FNDC3A: variants seen among roughly 807,000 people sequenced by gnomAD.
The protein encoded by FNDC3A is fibronectin type-III domain-containing protein 3A.
A neutral mutation model predicts 148.9 loss-of-function variants in FNDC3A; 32 were observed. The observed-to-expected ratio is 0.21, with a 90% CI of 0.16 to 0.29. The LOEUF is 0.29. Ranked by LOEUF, FNDC3A falls within the 10% of genes least tolerant of loss-of-function variation. The pLI is 1.00. For missense variants in FNDC3A, 1,191 were observed against 1,452.8 expected (o/e 0.82, Z 2.93); for synonymous variants, 472 against 473.6 (o/e 1.00, Z 0.04).
At chr13:49,178,727 T>G (rs1885157100) in intron 14 of FNDC3A, 73 bp downstream of exon 14, 1 of 857,196 alleles carries the variant, frequency 1.2e-6, no homozygotes, top group Admixed American at 2.9e-5. Flanking sequence ...TTCTTTGTTT[T>G]CTGTTTGTTT....
intron 4 of FNDC3A, among the ~76,000 whole-genome samples, chr13:49,123,171 C>T (rs1418852492): frequency 6.6e-6 from 1 of 152,098 alleles, no homozygotes; most frequent in African/African-American, 2.4e-5. Flanking sequence ...TGGAACAGAA[C>T]AGAGGCCTCA....
At chr13:49,190,269 A>G (rs1885817667) in intron 17 of FNDC3A, among the ~76,000 whole-genome samples, 1 of 152,232 alleles carries the variant, frequency 6.6e-6, no homozygotes, top group African/African-American at 2.4e-5. Context: ...TAAAAGCAGT[A>G]TCAAATACCT....
intron 2 of FNDC3A, among the ~76,000 whole-genome samples, chr13:49,045,208 T>C (rs1449541937): frequency 6.6e-6 from 1 of 151,908 alleles, no homozygotes; most frequent in Non-Finnish European, 1.5e-5. Flanking sequence ...TGCTCGAGTG[T>C]AGTGGTACCA....
chr13:49,175,333 T>G (rs777760919), intron 12 of FNDC3A, 34 bp from the exon 13 acceptor site: 1 of 1,480,114 alleles, frequency 6.8e-7, no homozygotes, highest in Non-Finnish European at 9.0e-7. Context: ...AAAAATAACT[T>G]TTTCATGCCT....
At chr13:49,082,364 T>C (rs1878534967) in intron 3 of FNDC3A, among the ~76,000 whole-genome samples, 1 of 151,966 alleles carries the variant, frequency 6.6e-6, no homozygotes, top group African/African-American at 2.4e-5. Context: ...CCAGCCTGGG[T>C]GACAGAGTAA....
intron 1 of FNDC3A, among the ~76,000 whole-genome samples, chr13:48,991,936 A>C (rs1951927461): frequency 1.3e-5 from 2 of 152,260 alleles, no homozygotes; most frequent in African/African-American, 2.4e-5. Context: ...ATCATCTAAC[A>C]CAAAGCCTAT....
intron 8 of FNDC3A, among the ~76,000 whole-genome samples, chr13:49,163,494 C>T (rs1048441899): frequency 6.6e-6 from 1 of 152,174 alleles, no homozygotes; most frequent in Admixed American, 6.5e-5. Flanking sequence ...TGGAAAAGCA[C>T]AGTATTAGGG....
intron 2 of FNDC3A, among the ~76,000 whole-genome samples, chr13:49,070,941 C>T (rs1348963825): frequency 6.8e-6 from 1 of 147,372 alleles, no homozygotes; most frequent in Non-Finnish European, 1.5e-5. Flanking sequence ...CTTCATTGCC[C>T]AGGTTGGAGT....
At chr13:48,980,485 G>T (rs1004445415) in intron 1 of FNDC3A, among the ~76,000 whole-genome samples, 1 of 152,136 alleles carries the variant, frequency 6.6e-6, no homozygotes, top group African/African-American at 2.4e-5. Context: ...ACATTGATGA[G>T]CTTGAGTCAT....
intron 3 of FNDC3A, among the ~76,000 whole-genome samples, chr13:49,084,100 C>T (rs1321429026): frequency 6.6e-6 from 1 of 152,178 alleles, no homozygotes; most frequent in Non-Finnish European, 1.5e-5. Flanking sequence ...TATTAATACC[C>T]ACTACTGGTG....
intron 3 of FNDC3A, among the ~76,000 whole-genome samples, chr13:49,104,649 C>A (rs1366352656): frequency 6.6e-6 from 1 of 152,112 alleles, no homozygotes; most frequent in Admixed American, 6.6e-5. Flanking sequence ...AAAAAAAGAT[C>A]TTCTGTAAGA....
rs771991232 is a variant in FNDC3A, at chr13:49,174,483, C to G, written c.1279C>G (p.Gln427Glu). 18 of 1,612,120 alleles carry G rather than the reference C, an allele frequency of 1.1e-5. No individual in the cohort carries two copies. The Admixed American group carries it at 3.0e-4, about 27-fold the overall frequency. The change falls in exon 12 of 26, where the codon CAA becomes GAA. Residue 427 changes from glutamine (Q) to glutamate (E), a missense_variant. Gln to Glu is a conservative substitution (Grantham distance 29). Transcript: ENST00000492622. ...TCAGTGTTACATGGGCTCACAGAAA[C>G]AATTTAAAATTACTAAACTTTCACC... Reference protein sequence around the residue: ...FCQCYMGSQKQFKITKLSPAM... With the variant: ...FCQCYMGSQKEFKITKLSPAM...
chr13:49,061,424 C>CTCCCT (rs1566222510), intron 2 of FNDC3A, among the ~76,000 whole-genome samples: 1 of 11,920 alleles, frequency 8.4e-5, no homozygotes, highest in African/African-American at 5.2e-4. Context: ...CTCCCCTCCC[C>CTCCCT]TCCCCTCCCC....
chr13:49,088,966 G>A (rs1005025342), intron 3 of FNDC3A, among the ~76,000 whole-genome samples: 3 of 152,080 alleles, frequency 2.0e-5, no homozygotes, highest in East Asian at 1.9e-4. Context: ...TTCCACTTAC[G>A]TGAGGTATCC....
chr13:49,157,999 G>C (rs1217436734), intron 8 of FNDC3A, among the ~76,000 whole-genome samples: 1 of 151,258 alleles, frequency 6.6e-6, no homozygotes, highest in Non-Finnish European at 1.5e-5. Flanking sequence ...GCCCCCAGAG[G>C]TGGAGCCTAC....
chr13:49,069,169 C>T (rs942033719), intron 2 of FNDC3A, among the ~76,000 whole-genome samples: 6 of 151,990 alleles, frequency 3.9e-5, no homozygotes, highest in African/African-American at 1.5e-4. Context: ...GAGTATTTAA[C>T]TGAAAAGATT....
intron 14 of FNDC3A, among the ~76,000 whole-genome samples, chr13:49,183,616 C>G (rs1347084998): frequency 9.2e-5 from 14 of 152,142 alleles, no homozygotes; most frequent in Non-Finnish European, 2.1e-4. Context: ...TAGGAGGACT[C>G]TTCTGGTTAA....
rs1332965633 is a variant in FNDC3A, at chr13:49,209,553, G to A, written c.*2158G>A. The A allele has an allele frequency of 6.6e-6, 1 of 152,546 alleles. No homozygotes were observed. Among genetic ancestry groups the A allele is most frequent in the Non-Finnish European group, 1.5e-5 (1 of 68,004 alleles). 9.4% of individuals were successfully genotyped at this position (152,546 alleles called of 1,614,324 possible). ...CATAAACTATGTAGCAAAAGTATCT[G>A]TAAAATCCATGGAAAATAAAAGTTG... On this transcript the variant is annotated 3_prime_UTR_variant, in exon 26 of 26. Coordinates refer to ENST00000492622, the MANE Select transcript of FNDC3A (RefSeq NM_001079673.2).
chr13:49,187,451 A>AT, intron 16 of FNDC3A: 1 of 1,326,974 alleles, frequency 7.5e-7, no homozygotes, highest in Non-Finnish European at 1.1e-6. Context: ...TGCTCTTCAT[A>AT]TCTGTTAATG....
Sources: allele counts gnomAD v4.1 joint callset (sites outside exome capture counted in the v4.1 genomes callset), GRCh38; gene constraint gnomAD v4.1.1; transcripts MANE v1.5; gene names NCBI Gene and HGNC (gene_info 2026-07-23, HGNC 2026-07-21).